Variants in IL1RAPL1 observed in about 807,000 individuals in gnomAD.
IL1RAPL1 encodes the protein interleukin 1 receptor accessory protein like 1, also known as interleukin-1 receptor accessory protein-like 1.
IL1RAPL1 carries 3 observed loss-of-function variants against 48.4 expected under a neutral mutation model. The ratio of observed to expected loss-of-function variants is 0.06; its 90% CI spans 0.03 to 0.16. The LOEUF (loss-of-function observed/expected upper bound fraction) is 0.16. Among genes scored for constraint, IL1RAPL1 ranks in the 10% least tolerant of loss-of-function variants. The pLI is 1.00. For synonymous variants in IL1RAPL1, 185 were observed against 187.7 expected, an observed-to-expected ratio of 0.99 and a Z score of 0.12; for missense variants, 349 against 530.6, an observed-to-expected ratio of 0.66 and a Z score of 3.36.
At chrX:29,113,302 C>G (rs1468953728) in intron 2 of IL1RAPL1, among the ~76,000 whole-genome samples, 1 of 111,609 alleles carries the variant, frequency 9.0e-6, no homozygotes, top group Non-Finnish European at 1.9e-5. Flanking sequence ...GGGTGTTTAG[C>G]TAGCTGTCTC....
chrX:29,466,093 ACACTAAAAAG>A (rs1256946492), intron 5 of IL1RAPL1, among the ~76,000 whole-genome samples: 2 of 112,496 alleles, frequency 1.8e-5, no homozygotes, highest in African/African-American at 6.5e-5. Flanking sequence ...TTTGGGACAT[ACACTAAAAAG>A]TAAGTTTTTT....
chrX:29,916,601 A>C (rs960663189), intron 6 of IL1RAPL1, among the ~76,000 whole-genome samples: 9 of 111,896 alleles, frequency 8.0e-5, no homozygotes, highest in African/African-American at 2.9e-4. Context: ...AAGATCTTAA[A>C]ACTAGTATCT....
intron 2 of IL1RAPL1, among the ~76,000 whole-genome samples, chrX:29,241,895 C>T (rs961519198): frequency 9.0e-6 from 1 of 111,715 alleles, no homozygotes; most frequent in Non-Finnish European, 1.9e-5. Context: ...GGAAGATAAA[C>T]GATCCCACAA....
chrX:29,119,623 G>T (rs186932212), intron 2 of IL1RAPL1, among the ~76,000 whole-genome samples: 1 of 111,287 alleles, frequency 9.0e-6, no homozygotes, highest in Non-Finnish European at 1.9e-5. Flanking sequence ...CTAGTTCCAG[G>T]GTACAAAAAC....
chrX:28,623,019 A>T (rs1182982435), intron 1 of IL1RAPL1, among the ~76,000 whole-genome samples: 2 of 111,419 alleles, frequency 1.8e-5, no homozygotes, highest in Non-Finnish European at 3.8e-5. Flanking sequence ...AAAGCTAGCT[A>T]TTTGCTTGCT....
At chrX:29,417,993 A>G (rs958157603) in intron 5 of IL1RAPL1, among the ~76,000 whole-genome samples, 3 of 105,977 alleles carry the variant, frequency 2.8e-5, no homozygotes, top group Non-Finnish European at 5.8e-5. Flanking sequence ...ACCTATGATT[A>G]TAAAGCACAC....
At chrX:29,609,503 T>G (rs1017304422) in intron 5 of IL1RAPL1, among the ~76,000 whole-genome samples, 2 of 111,996 alleles carry the variant, frequency 1.8e-5, no homozygotes, top group Non-Finnish European at 3.8e-5. Flanking sequence ...CTGCCTTCTT[T>G]GTGTGTCTTG....
At chrX:29,048,214 C>T (rs1401090185) in intron 2 of IL1RAPL1, among the ~76,000 whole-genome samples, 1 of 112,040 alleles carries the variant, frequency 8.9e-6, no homozygotes, top group African/African-American at 3.2e-5. Context: ...GTTCAACTTA[C>T]TACATAACAC....
At chrX:29,699,845 A>G (rs960769067) in intron 6 of IL1RAPL1, among the ~76,000 whole-genome samples, 1 of 112,535 alleles carries the variant, frequency 8.9e-6, no homozygotes, top group Non-Finnish European at 1.9e-5. Context: ...AGTTCATAAA[A>G]GGAGAATACT....
chrX:29,909,783 T>C (rs949548820), intron 6 of IL1RAPL1, among the ~76,000 whole-genome samples: 1 of 111,834 alleles, frequency 8.9e-6, no homozygotes, highest in Non-Finnish European at 1.9e-5. Context: ...GGCAAGGTTG[T>C]GAAGAAAAGG....
chrX:28,775,383 A>G (rs1936352912), intron 1 of IL1RAPL1, among the ~76,000 whole-genome samples: 1 of 111,511 alleles, frequency 9.0e-6, no homozygotes. Flanking sequence ...CATCACTTCA[A>G]TCTCTGCCTC....
At chrX:28,984,223 T>C (rs890729229) in intron 2 of IL1RAPL1, among the ~76,000 whole-genome samples, 1 of 111,852 alleles carries the variant, frequency 8.9e-6, no homozygotes, top group Non-Finnish European at 1.9e-5. Flanking sequence ...AAATTGTCTA[T>C]AAATTTTATT....
intron 6 of IL1RAPL1, among the ~76,000 whole-genome samples, chrX:29,829,014 T>C (rs1209932709): frequency 9.0e-6 from 1 of 111,058 alleles, no homozygotes; most frequent in East Asian, 2.8e-4. Flanking sequence ...TGGTCTTTTA[T>C]CTTTATTGCT....
At chrX:29,367,372 C>A (rs1394435405) in intron 3 of IL1RAPL1, among the ~76,000 whole-genome samples, 2 of 110,721 alleles carry the variant, frequency 1.8e-5, no homozygotes, top group African/African-American at 6.6e-5. Flanking sequence ...ATAATAAGCA[C>A]CACATGAATA....
intron 6 of IL1RAPL1, among the ~76,000 whole-genome samples, chrX:29,848,034 A>AGATACAATCTACT (rs1931283409): frequency 9.0e-6 from 1 of 111,403 alleles, no homozygotes; most frequent in Admixed American, 9.6e-5. Flanking sequence ...TTGTATCAGT[A>AGATACAATCTACT]GATACAATTC....
chrX:28,677,316 T>C (rs1407108060), intron 1 of IL1RAPL1, among the ~76,000 whole-genome samples: 1 of 112,216 alleles, frequency 8.9e-6, no homozygotes, highest in Non-Finnish European at 1.9e-5. Flanking sequence ...ATGTGATATA[T>C]ACAGTTTTGA....
intron 2 of IL1RAPL1, among the ~76,000 whole-genome samples, chrX:28,989,963 G>T (rs978542409): frequency 3.6e-5 from 4 of 111,633 alleles, no homozygotes; most frequent in Non-Finnish European, 3.8e-5. Context: ...AAACAAGTTT[G>T]CAGTACTTTC....
intron 2 of IL1RAPL1, among the ~76,000 whole-genome samples, chrX:29,000,713 AT>A (rs1479261646): frequency 1.8e-5 from 2 of 111,062 alleles, no homozygotes; most frequent in Admixed American, 9.6e-5. Context: ...GGTATTCCTT[AT>A]TTTTTTCTTT....
intron 2 of IL1RAPL1, among the ~76,000 whole-genome samples, chrX:29,241,764 A>G (rs1931426432): frequency 8.9e-6 from 1 of 112,284 alleles, no homozygotes; most frequent in Non-Finnish European, 1.9e-5. Flanking sequence ...GTTTTACTAT[A>G]GTTCTGCCTT....
Sources: gnomAD v4.1 joint callset for allele counts (sites outside exome capture counted in the v4.1 genomes callset) on GRCh38, gnomAD v4.1.1 for gene constraint, MANE v1.5 for transcripts, NCBI Gene and HGNC (gene_info 2026-07-23, HGNC 2026-07-21) for gene names.